The following TOM1L2 variants were observed in gnomAD, a reference collection of about 807,000 sequenced individuals.
TOM1L2 encodes TOM1-like protein 2.
Under a neutral mutation model 67.9 loss-of-function variants are expected in TOM1L2, and 31 were observed. The observed-to-expected ratio is 0.46, with a 90% confidence interval of 0.34 to 0.62. TOM1L2 has a LOEUF of 0.62. Ranked by LOEUF, TOM1L2 falls within the 20% of genes least tolerant of loss-of-function variation. TOM1L2 has a pLI of 0.01. For missense variants in TOM1L2, 606 were observed against 663.5 expected (o/e 0.91, Z 0.95); for synonymous variants, 256 against 254.0 (o/e 1.01, Z -0.07).
chr17:17,895,839 A>G (rs1034432559), intron 3 of TOM1L2, among the ~76,000 whole-genome samples: 1 of 152,190 alleles, frequency 6.6e-6, no homozygotes, highest in Admixed American at 6.5e-5. Flanking sequence ...ATCCCATTTT[A>G]GAGATGAGGA....
At chr17:17,864,402 G>C (rs989953686) in intron 10 of TOM1L2, among the ~76,000 whole-genome samples, 1 of 151,568 alleles carries the variant, frequency 6.6e-6, no homozygotes, top group Non-Finnish European at 1.5e-5. Flanking sequence ...AGTAGAGACA[G>C]GGTTTCACCG....
chr17:17,891,577 C>T (rs1022329586), intron 4 of TOM1L2, among the ~76,000 whole-genome samples: 8 of 152,172 alleles, frequency 5.3e-5, no homozygotes, highest in South Asian at 2.1e-4. Flanking sequence ...GCTTGCCATG[C>T]GGTAGGCTAG....
At chr17:17,882,578 C>A (rs779220243) in intron 6 of TOM1L2, 127 bp downstream of exon 6, 2 of 1,288,252 alleles carry the variant, frequency 1.6e-6, no homozygotes, top group South Asian at 2.8e-5. Context: ...GGGGATTGAG[C>A]CCTTCCATCT....
chr17:17,866,973 A>G, intron 8 of TOM1L2, 49 bp from the exon 9 acceptor site: 5 of 1,583,976 alleles, frequency 3.2e-6, no homozygotes, highest in Non-Finnish European at 4.3e-6. Context: ...TGCCTGTGAT[A>G]TGGCCCTGTG....
chr17:17,857,105 C>T (rs1346398354), intron 12 of TOM1L2, among the ~76,000 whole-genome samples: 1 of 152,142 alleles, frequency 6.6e-6, no homozygotes, highest in Non-Finnish European at 1.5e-5. Context: ...CAGGCACATG[C>T]CACCACACCC....
chr17:17,854,574 G>T (rs1384381089), intron 12 of TOM1L2, among the ~76,000 whole-genome samples: 1 of 151,962 alleles, frequency 6.6e-6, no homozygotes, highest in African/African-American at 2.4e-5. Context: ...GCCCAGGCTG[G>T]TGTGCAGTGG....
chr17:17,918,403 T>C (rs2039717774), intron 1 of TOM1L2, among the ~76,000 whole-genome samples: 2 of 152,178 alleles, frequency 1.3e-5, no homozygotes, highest in African/African-American at 4.8e-5. Flanking sequence ...TCCAATACCA[T>C]GTTGAATAGA....
intron 12 of TOM1L2, 100 bp downstream of exon 12, chr17:17,861,376 G>A: frequency 1.7e-6 from 2 of 1,195,294 alleles, no homozygotes; most frequent in Non-Finnish European, 2.4e-6. Flanking sequence ...CCTGCCCCCT[G>A]TGCAAGCCAG....
At chr17:17,884,522 A>G (rs1031152335) in intron 5 of TOM1L2, 112 bp downstream of exon 5, 16 of 1,474,166 alleles carry the variant, frequency 1.1e-5, no homozygotes, top group Admixed American at 7.5e-5. Context: ...GCTTTAAGAA[A>G]GCATGATGAC....
chr17:17,861,870 A>C, intron 11 of TOM1L2: 1 of 255,322 alleles, frequency 3.9e-6, no homozygotes, highest in Non-Finnish European at 7.5e-6. Flanking sequence ...GTGCCCTAAT[A>C]CTCCTCAGAG....
At position 17,947,404 on chromosome 17, in the gene TOM1L2, T is replaced by C. The variant is rs1227196147; in HGVS notation, c.52+24858A>G. Among the ~76,000 whole-genome samples the C allele has an allele frequency of 5.3e-5, 8 of 152,314 alleles. No individual in the cohort carries two copies. In the South Asian group the frequency reaches 1.4e-3, roughly 28 times the overall value. ...CTCATGTTGAAGCCCTAAGCACCAGTACCTCACAATATGACTGATTGAATT... is the reference window on the plus strand; with the variant it reads ...CTCATGTTGAAGCCCTAAGCACCAGCACCTCACAATATGACTGATTGAATT... On this transcript the variant is annotated intron_variant, in intron 1 of 14. Coordinates refer to ENST00000379504, the MANE Select transcript of TOM1L2 (RefSeq NM_001082968.2).
In TOM1L2 at chr17:17,880,320, A is replaced by G. The variant is rs2037656116; in HGVS notation, c.661-577T>C. On this transcript the variant is annotated intron_variant, in intron 6 of 14. Coordinates refer to ENST00000379504, the MANE Select transcript of TOM1L2 (RefSeq NM_001082968.2). ...AGACGACAGGGGAGACACCTTCCCC[A>G]CCCAGCTCCCTACATGGTAACACAG... Among the ~76,000 whole-genome samples the G allele has an allele frequency of 2.0e-5, 3 of 152,138 alleles. No homozygotes were observed. In the South Asian group the frequency reaches 6.2e-4, roughly 32 times the overall value.
intron 2 of TOM1L2, among the ~76,000 whole-genome samples, chr17:17,900,041 G>A (rs185915613): frequency 2.0e-5 from 3 of 152,094 alleles, no homozygotes; most frequent in East Asian, 3.9e-4. Context: ...GTGAAACCCC[G>A]TCTTTACTGA....
chr17:17,865,178 C>A (rs2143772104), intron 10 of TOM1L2, among the ~76,000 whole-genome samples: 1 of 152,250 alleles, frequency 6.6e-6, no homozygotes, highest in East Asian at 1.9e-4. Context: ...AAGTTCCAGA[C>A]AATGGACTGC....
At chr17:17,895,740 A>G (rs1190595137) in intron 3 of TOM1L2, among the ~76,000 whole-genome samples, 5 of 152,206 alleles carry the variant, frequency 3.3e-5, no homozygotes, top group Admixed American at 1.3e-4. Context: ...CAGCCACATC[A>G]GCTAAGAGTG....
Position 17,847,404 on chromosome 17 carries a change from A to G in TOM1L2, c.*231T>C, listed in dbSNP as rs948365764. The G allele has an allele frequency of 1.7e-6, 1 of 583,646 alleles. No individual in the cohort carries two copies. Among genetic ancestry groups the G allele is most frequent in the Non-Finnish European group, 3.0e-6 (1 of 338,850 alleles). The allele number at this position is 583,646 out of a possible 1,614,324, so 36.2% of individuals were successfully genotyped here. A position where few individuals can be genotyped will look rare whatever the true frequency, so the allele number is the denominator to read the frequency against. On this transcript the variant is annotated 3_prime_UTR_variant, in exon 15 of 15. Transcript: ENST00000379504. ...GGAGGAAACATGGGCAGAGGGGCCC[A>G]TGGTGGGAGGGGAGAGAGTCTCTGG...
At chr17:17,950,376 C>T (rs1404335191) in intron 1 of TOM1L2, among the ~76,000 whole-genome samples, 1 of 151,866 alleles carries the variant, frequency 6.6e-6, no homozygotes, top group African/African-American at 2.4e-5. Flanking sequence ...CCGCGCTTGT[C>T]TCGAACTCCT....
At chr17:17,971,290 G>A (rs938386359) in intron 1 of TOM1L2, among the ~76,000 whole-genome samples, 2 of 152,078 alleles carry the variant, frequency 1.3e-5, no homozygotes, top group Non-Finnish European at 2.9e-5. Context: ...TGACAGACAG[G>A]GGAACTTCAA....
intron 1 of TOM1L2, among the ~76,000 whole-genome samples, chr17:17,938,680 T>C (rs567814784): frequency 1.3e-5 from 2 of 152,026 alleles, no homozygotes; most frequent in South Asian, 4.2e-4. Flanking sequence ...AAACCAATAC[T>C]ACCTAACCTT....
Sources: allele counts gnomAD v4.1 joint callset (sites outside exome capture counted in the v4.1 genomes callset), GRCh38; gene constraint gnomAD v4.1.1; transcripts MANE v1.5; gene names NCBI Gene and HGNC (gene_info 2026-07-23, HGNC 2026-07-21).